Variants in CPLX1 observed in about 807,000 individuals in gnomAD.
CPLX1 encodes the protein complexin-1.
In CPLX1, 6 loss-of-function variants were observed where a neutral mutation model predicts 15.6. The observed-to-expected ratio is 0.39, with a 90% CI of 0.21 to 0.76. The LOEUF is 0.76. Among genes scored for constraint, CPLX1 ranks in the 30% least tolerant of loss-of-function variants. The pLI is 0.43. For synonymous variants in CPLX1, 91 were observed against 75.2 expected, an observed-to-expected ratio of 1.21 and a Z score of -1.08; for missense variants, 242 against 188.6, an observed-to-expected ratio of 1.28 and a Z score of -1.66.
chr4:823,507 AG>A (rs1316734909), intron 2 of CPLX1, among the ~76,000 whole-genome samples: 3 of 152,218 alleles, frequency 2.0e-5, no homozygotes, highest in Non-Finnish European at 4.4e-5. Flanking sequence ...GAATGGCATC[AG>A]GTGAGGGTGC....
At chr4:820,927 C>A (rs149339547) in intron 2 of CPLX1, among the ~76,000 whole-genome samples, 4 of 152,188 alleles carry the variant, frequency 2.6e-5, no homozygotes, top group African/African-American at 9.6e-5. Flanking sequence ...CTCTCCCACA[C>A]GGTGGAACCC....
intron 2 of CPLX1, among the ~76,000 whole-genome samples, chr4:796,368 A>T (rs1232062088): frequency 6.6e-6 from 1 of 152,008 alleles, no homozygotes; most frequent in Non-Finnish European, 1.5e-5. Context: ...ACTTTTCCAG[A>T]TCCGCCTCCC....
intron 3 of CPLX1, chr4:787,485 G>C: frequency 1.3e-6 from 1 of 788,110 alleles, no homozygotes; most frequent in Non-Finnish European, 1.5e-6. Flanking sequence ...GGATGGGGAC[G>C]AGGCCATCCT....
At chr4:823,434 C>T (rs866887567) in intron 2 of CPLX1, among the ~76,000 whole-genome samples, 2 of 152,176 alleles carry the variant, frequency 1.3e-5, no homozygotes, top group African/African-American at 2.4e-5. Context: ...CCTGGCCCCT[C>T]GAACCCGGCC....
Position 818,468 on chromosome 4 carries a change from C to T in CPLX1, c.31+6024G>A, listed in dbSNP as rs147823253. The stretch of plus-strand genomic sequence containing the variant: ...CAATGCTCCCTCTGTTTTGCGCCCA[C>T]GCTGAAGTGCCACAAACACCTCTTC... On this transcript the variant is annotated intron_variant, in intron 2 of 3. Transcript: ENST00000304062. 3.9e-5 allele frequency among the ~76,000 whole-genome samples: 6 copies of T among 152,384 alleles called. No individual in the cohort carries two copies. The East Asian group carries it at 5.8e-4, about 15-fold the overall frequency.
chr4:791,199 C>T (rs1376982221), intron 3 of CPLX1, among the ~76,000 whole-genome samples: 6 of 104,168 alleles, frequency 5.8e-5, no homozygotes, highest in African/African-American at 1.7e-4. Context: ...GAGCGGGGGG[C>T]GGAGGGGTGG....
intron 3 of CPLX1, chr4:787,767 C>G: frequency 2.0e-6 from 2 of 985,256 alleles, no homozygotes; most frequent in Non-Finnish European, 1.2e-6. Context: ...CGCCTCCCCA[C>G]GCCACACTCC....
At position 785,806 on chromosome 4, in the gene CPLX1, G is replaced by A. The variant is rs1392190491; in HGVS notation, c.*695C>T. On this transcript the variant is annotated 3_prime_UTR_variant, in exon 4 of 4. Coordinates refer to ENST00000304062, the MANE Select transcript of CPLX1 (RefSeq NM_006651.4). Reference sequence around the variant, plus strand: ...GTGGGCGGAGAGGCTAGGAGGCCGGGCGGGGGGCGAGGACTTGGGAAGAGC... The same window carrying A: ...GTGGGCGGAGAGGCTAGGAGGCCGGACGGGGGGCGAGGACTTGGGAAGAGC... 6.5e-6 allele frequency: 1 copy of A among 152,696 alleles called. No homozygotes were observed. Among genetic ancestry groups the A allele is most frequent in the African/African-American group, 2.4e-5 (1 of 41,476 alleles). The allele number at this position is 152,696 out of a possible 1,614,324, so 9.5% of individuals were successfully genotyped here.
At chr4:816,411 G>T (rs1219476542) in intron 2 of CPLX1, among the ~76,000 whole-genome samples, 1 of 151,752 alleles carries the variant, frequency 6.6e-6, no homozygotes, top group Non-Finnish European at 1.5e-5. Flanking sequence ...TAGAGAACAG[G>T]GTTTCACCAT....
chr4:795,378 G>T (rs1298789288), intron 2 of CPLX1, among the ~76,000 whole-genome samples: 1 of 152,124 alleles, frequency 6.6e-6, no homozygotes, highest in East Asian at 1.9e-4. Flanking sequence ...GCCGGACCCT[G>T]GAAGCATGAG....
At chr4:800,564 ATG>A (rs35182041) in intron 2 of CPLX1, among the ~76,000 whole-genome samples, 11,795 of 142,792 alleles carry the variant, frequency 0.083, 589 homozygotes, top group African/African-American at 0.13. Context: ...ATATAAATAT[ATG>A]TGTGTGTGTG....
chr4:786,924 G>A (rs1250247194), intron 3 of CPLX1: 2 of 978,980 alleles, frequency 2.0e-6, no homozygotes, highest in South Asian at 4.7e-5. Context: ...ACATGGGGGG[G>A]AGCAGGGAGG....
chr4:824,424 G>A, intron 2 of CPLX1, 68 bp downstream of exon 2: 1 of 1,415,088 alleles, frequency 7.1e-7, no homozygotes, highest in South Asian at 1.2e-5. Flanking sequence ...GGCCAGATGA[G>A]GAGCAGCTGC....
intron 3 of CPLX1, among the ~76,000 whole-genome samples, chr4:792,216 C>T (rs568399605): frequency 5.8e-4 from 88 of 152,336 alleles, no homozygotes; most frequent in Admixed American, 2.4e-3. Flanking sequence ...CCAGGGCTGG[C>T]GCTGTGGTCA....
At chr4:799,804 A>G (rs1183330085) in intron 2 of CPLX1, among the ~76,000 whole-genome samples, 1 of 152,230 alleles carries the variant, frequency 6.6e-6, no homozygotes, top group Non-Finnish European at 1.5e-5. Flanking sequence ...CAGAGGTTGC[A>G]GTGAGCCGAG....
At chr4:812,537 G>A in intron 2 of CPLX1, among the ~76,000 whole-genome samples, 1 of 152,180 alleles carries the variant, frequency 6.6e-6, no homozygotes, top group Middle Eastern at 3.2e-3. Context: ...AATAAAAAGG[G>A]TATGGGCTTG....
intron 3 of CPLX1, chr4:787,569 G>A (rs142946991): frequency 1.8e-5 from 12 of 681,168 alleles, no homozygotes; most frequent in Admixed American, 6.3e-5. Context: ...GGATGGGGGC[G>A]GGCATACGAA....
chr4:809,422 C>A (rs971347793), intron 2 of CPLX1, among the ~76,000 whole-genome samples: 2 of 151,436 alleles, frequency 1.3e-5, no homozygotes, highest in African/African-American at 4.8e-5. Context: ...GGCTGCTGAG[C>A]CTCTGCCCTG....
Position 786,322 on chromosome 4 carries a change from G to C in CPLX1, c.*179C>G, listed in dbSNP as rs1293689706. 1.9e-6 allele frequency: 1 copy of C among 526,360 alleles called. No homozygotes were observed. Among genetic ancestry groups the C allele is most frequent in the African/African-American group, 2.0e-5 (1 of 49,328 alleles). The allele number at this position is 526,360 out of a possible 1,614,324, so 32.6% of individuals were successfully genotyped here. A position where few individuals can be genotyped will look rare whatever the true frequency, so the allele number is the denominator to read the frequency against. On this transcript the variant is annotated 3_prime_UTR_variant, in exon 4 of 4. Transcript: ENST00000304062. ...AGAGGAGCACGGGGCGGACTGGGGG[G>C]GTCCTGGGGGCGCGCGCCCCTTGCC...
Sources: allele counts gnomAD v4.1 joint callset (sites outside exome capture counted in the v4.1 genomes callset), GRCh38; gene constraint gnomAD v4.1.1; transcripts MANE v1.5; gene names NCBI Gene and HGNC (gene_info 2026-07-23, HGNC 2026-07-21).